The following CNTNAP2 variants were observed in gnomAD, a reference collection of about 807,000 sequenced individuals.
CNTNAP2 encodes the protein contactin-associated protein-like 2.
In CNTNAP2, 98 loss-of-function variants were observed where a neutral mutation model predicts 155.2. The observed-to-expected ratio is 0.63, with a 90% CI of 0.54 to 0.75. The LOEUF (loss-of-function observed/expected upper bound fraction) is 0.75, where lower values mean the gene tolerates loss of function less well. Ranked by LOEUF, CNTNAP2 falls within the 30% of genes least tolerant of loss-of-function variation. CNTNAP2 has a pLI of 0.00. For synonymous variants in CNTNAP2, 651 were observed against 631.2 expected, an observed-to-expected ratio of 1.03 and a Z score of -0.47; for missense variants, 1,727 against 1,688.1, an observed-to-expected ratio of 1.02 and a Z score of -0.40.
intron 1 of CNTNAP2, among the ~76,000 whole-genome samples, chr7:146,242,592 A>T (rs1799581397): frequency 6.6e-6 from 1 of 152,038 alleles, no homozygotes; most frequent in African/African-American, 2.4e-5. Context: ...AAAAACATGG[A>T]TACCCAAATA....
chr7:147,745,295 G>T (rs1234865414), intron 13 of CNTNAP2, among the ~76,000 whole-genome samples: 3 of 152,162 alleles, frequency 2.0e-5, no homozygotes, highest in African/African-American at 7.2e-5. Flanking sequence ...TCAGCTAAAA[G>T]CTCAGCCTGA....
chr7:146,750,279 C>A (rs188354384), intron 1 of CNTNAP2, among the ~76,000 whole-genome samples: 164 of 152,316 alleles, frequency 1.1e-3, no homozygotes, highest in African/African-American at 3.7e-3. Context: ...TCTCTTTCCA[C>A]CCCTACCTCA....
intron 4 of CNTNAP2, among the ~76,000 whole-genome samples, chr7:147,090,832 G>A (rs747961664): frequency 5.9e-5 from 9 of 152,074 alleles, no homozygotes; most frequent in Non-Finnish European, 1.0e-4. Context: ...CCAGTCACCC[G>A]TGAAAGCGTT....
At chr7:147,027,127 T>C (rs1798938948) in intron 3 of CNTNAP2, among the ~76,000 whole-genome samples, 1 of 152,122 alleles carries the variant, frequency 6.6e-6, no homozygotes, top group Non-Finnish European at 1.5e-5. Context: ...TGTCACTCTT[T>C]CTTCCCCTTA....
intron 1 of CNTNAP2, among the ~76,000 whole-genome samples, chr7:146,248,199 A>G (rs1037938485): frequency 1.3e-5 from 2 of 151,784 alleles, no homozygotes; most frequent in African/African-American, 4.8e-5. Flanking sequence ...CGAGGCGCAG[A>G]GATATGAGGT....
At position 147,371,683 on chromosome 7, in the gene CNTNAP2, C is replaced by T. The variant is rs568583782; in HGVS notation, c.1499-23926C>T. ...GCTTGAAGAACATTCACCACTAAAC[C>T]TGAGTGAGGCTCATTCGATGTTGTA... On this transcript the variant is annotated intron_variant, in intron 9 of 23. Transcript: ENST00000361727. 4.6e-5 allele frequency among the ~76,000 whole-genome samples: 7 copies of T among 152,170 alleles called. No individual in the cohort carries two copies. In the South Asian group the frequency reaches 1.5e-3, roughly 32 times the overall value.
In CNTNAP2 at chr7:146,935,705, CAG is replaced by C. The variant is rs1796900841; in HGVS notation, c.402+95803_402+95804del. ...TGCTTTAGATTGCTGACTGGCTAAA[CAG>C]AAGTATCTGTGCAGCTGCTGGCACT... On this transcript the variant is annotated intron_variant, in intron 3 of 23. Coordinates refer to ENST00000361727, the MANE Select transcript of CNTNAP2 (RefSeq NM_014141.6). Among the ~76,000 whole-genome samples the C allele has an allele frequency of 2.0e-5, 3 of 152,290 alleles. No individual in the cohort carries two copies. The South Asian group carries it at 6.2e-4, about 32-fold the overall frequency.
Position 147,121,172 on chromosome 7 carries a change from G to C in CNTNAP2, c.939+9G>C, listed in dbSNP as rs942290509. The C allele has an allele frequency of 2.5e-6, 4 of 1,613,320 alleles. No individual in the cohort carries two copies. The African/African-American group carries it at 5.3e-5, about 22-fold the overall frequency. ...TGGACTTGGACTATGAGGTACATGT[G>C]ATGACGTAGAAATTGTAATAAAATG... On this transcript the variant is annotated intron_variant, in intron 6 of 23. Transcript: ENST00000361727.
chr7:147,610,716 C>T, intron 12 of CNTNAP2, among the ~76,000 whole-genome samples: 1 of 152,000 alleles, frequency 6.6e-6, no homozygotes, highest in East Asian at 1.9e-4. Context: ...CGTCCTAAAA[C>T]AGGAGCATCT....
At chr7:147,699,914 A>T (rs1796210978) in intron 13 of CNTNAP2, among the ~76,000 whole-genome samples, 2 of 152,172 alleles carry the variant, frequency 1.3e-5, no homozygotes, top group South Asian at 4.1e-4. Context: ...TGAATATTTT[A>T]TATAAATGGA....
chr7:146,445,807 G>T (rs1796394264), intron 1 of CNTNAP2, among the ~76,000 whole-genome samples: 1 of 152,116 alleles, frequency 6.6e-6, no homozygotes, highest in African/African-American at 2.4e-5. Flanking sequence ...ATTTATTGTA[G>T]CATTGACAGT....
chr7:146,145,096 A>G (rs544380426), intron 1 of CNTNAP2, among the ~76,000 whole-genome samples: 94 of 152,334 alleles, frequency 6.2e-4, no homozygotes, highest in African/African-American at 1.9e-3. Context: ...CAAAATAAAT[A>G]TACAAAATGT....
chr7:147,524,800 A>T (rs1263142519), intron 11 of CNTNAP2, among the ~76,000 whole-genome samples: 3 of 152,206 alleles, frequency 2.0e-5, no homozygotes, highest in East Asian at 1.9e-4. Flanking sequence ...AGAATGGAGT[A>T]AAAACAAAGG....
intron 10 of CNTNAP2, among the ~76,000 whole-genome samples, chr7:147,428,519 T>C (rs940711400): frequency 6.6e-6 from 1 of 152,184 alleles, no homozygotes; most frequent in African/African-American, 2.4e-5. Flanking sequence ...TACCCTAGAA[T>C]GGAGGATTCA....
intron 1 of CNTNAP2, among the ~76,000 whole-genome samples, chr7:146,693,428 T>C (rs1184859533): frequency 6.6e-6 from 1 of 152,030 alleles, no homozygotes; most frequent in East Asian, 1.9e-4. Flanking sequence ...TCTATATGTG[T>C]TTTGAGGTTT....
chr7:147,287,061 A>G (rs1403253469), intron 8 of CNTNAP2, among the ~76,000 whole-genome samples: 2 of 152,136 alleles, frequency 1.3e-5, no homozygotes, highest in African/African-American at 2.4e-5. Flanking sequence ...TGCCATCTCA[A>G]TGGGTATGGG....
At chr7:147,307,701 C>T (rs1300480728) in intron 9 of CNTNAP2, among the ~76,000 whole-genome samples, 1 of 152,210 alleles carries the variant, frequency 6.6e-6, no homozygotes, top group African/African-American at 2.4e-5. Flanking sequence ...TCTACACTGG[C>T]TGAAATAGTA....
chr7:147,309,885 T>A (rs899645406), intron 9 of CNTNAP2, among the ~76,000 whole-genome samples: 2 of 152,012 alleles, frequency 1.3e-5, no homozygotes, highest in African/African-American at 2.4e-5. Flanking sequence ...TACAAAAAAA[T>A]TTTTAAGCCA....
At chr7:146,231,327 C>T (rs182608756) in intron 1 of CNTNAP2, among the ~76,000 whole-genome samples, 103 of 152,242 alleles carry the variant, frequency 6.8e-4, no homozygotes, top group Middle Eastern at 3.4e-3. Flanking sequence ...CTTAGTAAGA[C>T]GCAGGAGTGA....
Sources: allele counts gnomAD v4.1 joint callset (sites outside exome capture counted in the v4.1 genomes callset), GRCh38; gene constraint gnomAD v4.1.1; transcripts MANE v1.5; gene names NCBI Gene and HGNC (gene_info 2026-07-23, HGNC 2026-07-21).